The following DSCAM variants were observed in gnomAD, a reference collection of about 807,000 sequenced individuals.
DSCAM encodes cell adhesion molecule DSCAM.
Under a neutral mutation model 217.7 loss-of-function variants are expected in DSCAM, and 47 were observed. The ratio of observed to expected loss-of-function variants is 0.22; its 90% CI spans 0.17 to 0.28. The LOEUF (loss-of-function observed/expected upper bound fraction) is 0.28. Among genes scored for constraint, DSCAM ranks in the 10% least tolerant of loss-of-function variants. The probability of loss-of-function intolerance (pLI) is 1.00; values close to 1 mark genes in which losing one functional copy is unlikely to be tolerated. For synonymous variants in DSCAM, 1,056 were observed against 1,015.3 expected (o/e 1.04, Z -0.76); for missense variants, 2,080 against 2,618.3 (o/e 0.79, Z 4.49).
chr21:40,054,645 G>A (rs79443257), intron 29 of DSCAM, among the ~76,000 whole-genome samples: 4,068 of 152,294 alleles, frequency 0.027, 185 homozygotes, highest in African/African-American at 0.093. Context: ...AGGCAGCCTC[G>A]GAGCCTGCCT....
At chr21:40,697,588 C>G (rs1273573212) in intron 2 of DSCAM, among the ~76,000 whole-genome samples, 1 of 152,166 alleles carries the variant, frequency 6.6e-6, no homozygotes, top group African/African-American at 2.4e-5. Flanking sequence ...TTTTAAAGAG[C>G]TTGCCCTTTC....
intron 3 of DSCAM, among the ~76,000 whole-genome samples, chr21:40,620,243 AG>A: frequency 9.1e-6 from 1 of 110,146 alleles, no homozygotes; most frequent in Non-Finnish European, 1.9e-5. Context: ...AGAAAGAGAG[AG>A]AAAGAGAGAG....
chr21:40,280,613 T>C lies in DSCAM; in HGVS notation c.2183-4343A>G, dbSNP rs371794891. Among the ~76,000 whole-genome samples the C allele has an allele frequency of 4.2e-4, 64 of 152,350 alleles. 1 individual carries two copies. The South Asian group carries it at 8.7e-3, about 21-fold the overall frequency. The stretch of plus-strand genomic sequence containing the variant: ...AGCATGAGAATTTTGGATTAGGGAA[T>C]CTGAATTTTTTGTCAAAAATTCAAA... On this transcript the variant is annotated intron_variant, in intron 10 of 32. Coordinates refer to ENST00000400454, the MANE Select transcript of DSCAM (RefSeq NM_001389.5).
chr21:40,750,132 T>C (rs780402039), intron 1 of DSCAM, among the ~76,000 whole-genome samples: 2 of 152,068 alleles, frequency 1.3e-5, no homozygotes, highest in Non-Finnish European at 2.9e-5. Context: ...TTCACCATGT[T>C]GGCCAGGCTG....
intron 27 of DSCAM, among the ~76,000 whole-genome samples, chr21:40,074,313 C>T (rs2089334225): frequency 2.6e-5 from 4 of 152,098 alleles, no homozygotes; most frequent in African/African-American, 7.2e-5. Context: ...TAGTTAAACA[C>T]CCTCACTGGT....
At chr21:40,718,410 T>C (rs1246554305) in intron 1 of DSCAM, among the ~76,000 whole-genome samples, 1 of 152,230 alleles carries the variant, frequency 6.6e-6, no homozygotes, top group Admixed American at 6.5e-5. Context: ...GGTATTTAAT[T>C]GGACTTACAG....
intron 3 of DSCAM, among the ~76,000 whole-genome samples, chr21:40,684,050 C>A (rs1253728674): frequency 1.1e-5 from 1 of 94,292 alleles, no homozygotes; most frequent in Non-Finnish European, 2.2e-5. Context: ...CATGGTGTAA[C>A]CCTGTCTCTA....
chr21:40,144,342 A>T lies in DSCAM; in HGVS notation c.3259+149T>A. 1 of 1,306,748 alleles carries T rather than the reference A, an allele frequency of 7.7e-7. No individual in the cohort carries two copies. Among genetic ancestry groups the T allele is most frequent in the Non-Finnish European group, 1.1e-6 (1 of 949,368 alleles). The allele number at this position is 1,306,748 out of a possible 1,614,324, so 80.9% of individuals were successfully genotyped here. ...GATCAGCGGGGTGGGCGAGGTCACG[A>T]GGGAAGGCTTTTCCACCCGAGACCC... On this transcript the variant is annotated intron_variant, in intron 17 of 32. Coordinates refer to ENST00000400454, the MANE Select transcript of DSCAM (RefSeq NM_001389.5). This position sits in a 1 kb window ranked among gnomAD's most constrained non-coding sequence, Gnocchi z 4.8.
At chr21:40,388,058 A>G (rs1182162535) in intron 3 of DSCAM, among the ~76,000 whole-genome samples, 1 of 152,156 alleles carries the variant, frequency 6.6e-6, no homozygotes, top group Non-Finnish European at 1.5e-5. Flanking sequence ...GAGGAAATCC[A>G]CAGTTCAAGG....
At chr21:40,820,760 AGT>A (rs1402363637) in intron 1 of DSCAM, among the ~76,000 whole-genome samples, 2 of 152,220 alleles carry the variant, frequency 1.3e-5, no homozygotes, top group South Asian at 4.1e-4. Flanking sequence ...TAAATCACCC[AGT>A]GTGGCCCTGA....
At chr21:40,700,427 T>C (rs1048584595) in intron 2 of DSCAM, among the ~76,000 whole-genome samples, 1 of 152,226 alleles carries the variant, frequency 6.6e-6, no homozygotes, top group Non-Finnish European at 1.5e-5. Context: ...GTTTCATCAA[T>C]GTTTTTCTGT....
intron 3 of DSCAM, among the ~76,000 whole-genome samples, chr21:40,448,856 T>C (rs2075696603): frequency 6.6e-6 from 1 of 152,220 alleles, no homozygotes; most frequent in Non-Finnish European, 1.5e-5. Flanking sequence ...GTTGCTGCTA[T>C]AACAAACTGC....
chr21:40,799,667 T>G (rs1002636370), intron 1 of DSCAM, among the ~76,000 whole-genome samples: 2 of 152,222 alleles, frequency 1.3e-5, no homozygotes, highest in Admixed American at 6.5e-5. Flanking sequence ...AAAGACCTCT[T>G]GAATTCCTTG....
chr21:40,109,391 A>G, intron 20 of DSCAM, among the ~76,000 whole-genome samples: 1 of 152,268 alleles, frequency 6.6e-6, no homozygotes, highest in South Asian at 2.1e-4. Context: ...CAAGCATAGG[A>G]AAAGCTCAAC....
At chr21:40,439,017 C>T (rs372445465) in intron 3 of DSCAM, among the ~76,000 whole-genome samples, 3 of 152,006 alleles carry the variant, frequency 2.0e-5, no homozygotes, top group Non-Finnish European at 4.4e-5. Flanking sequence ...GTAGAAGTAC[C>T]CTTTTCTATT....
At chr21:40,799,126 A>AT (rs1453647540) in intron 1 of DSCAM, among the ~76,000 whole-genome samples, 1 of 152,106 alleles carries the variant, frequency 6.6e-6, no homozygotes, top group Non-Finnish European at 1.5e-5. Context: ...AGAAAATTTT[A>AT]TTTTTTTAAT....
intron 1 of DSCAM, among the ~76,000 whole-genome samples, chr21:40,748,187 T>C (rs1365473784): frequency 6.6e-6 from 1 of 151,908 alleles, no homozygotes; most frequent in Non-Finnish European, 1.5e-5. Context: ...ACCACTTTTG[T>C]TCAACATAGC....
chr21:40,837,180 C>T (rs749459832), intron 1 of DSCAM, among the ~76,000 whole-genome samples: 4 of 152,194 alleles, frequency 2.6e-5, no homozygotes, highest in African/African-American at 4.8e-5. Context: ...CAGCCTCTTC[C>T]TCCATATTCA....
rs144926140 is a variant in DSCAM at position 40,357,588 on chromosome 21, C to A, written c.656-3845G>T. 1.8e-3 allele frequency among the ~76,000 whole-genome samples: 274 copies of A among 152,242 alleles called. 1 individual carries two copies. Among genetic ancestry groups the A allele is most frequent in the African/African-American group, 6.1e-3 (252 of 41,536 alleles). ...AATATTGTTTAGTAAGTAGAAATCA[C>A]ATCCAAGATAATATGTATTACTTGG... On this transcript the variant is annotated intron_variant, in intron 4 of 32. Transcript: ENST00000400454.
Sources: gnomAD v4.1 joint callset for allele counts (sites outside exome capture counted in the v4.1 genomes callset) on GRCh38, gnomAD v4.1.1 for gene constraint, Gnocchi (gnomAD v3.1) non-coding constraint, MANE v1.5 for transcripts, NCBI Gene and HGNC (gene_info 2026-07-23, HGNC 2026-07-21) for gene names.